The following CPAMD8 variants were observed in gnomAD, a reference collection of about 807,000 sequenced individuals.
CPAMD8 encodes C3 and PZP-like alpha-2-macroglobulin domain-containing protein 8.
Under a neutral mutation model 224.7 loss-of-function variants are expected in CPAMD8, and 146 were observed. The observed-to-expected ratio is 0.65, with a 90% CI of 0.57 to 0.75. The LOEUF (loss-of-function observed/expected upper bound fraction) is 0.75, where lower values mean the gene tolerates loss of function less well. Among genes scored for constraint, CPAMD8 ranks in the 30% least tolerant of loss-of-function variants. The probability of loss-of-function intolerance (pLI) is 0.00; values close to 1 mark genes in which losing one functional copy is unlikely to be tolerated. For missense variants in CPAMD8, 2,301 were observed against 2,537.5 expected, an observed-to-expected ratio of 0.91 and a Z score of 2.00; for synonymous variants, 966 against 1,044.6, an observed-to-expected ratio of 0.92 and a Z score of 1.45.
At chr19:16,915,885 TTTC>T (rs2052936464) in intron 27 of CPAMD8, among the ~76,000 whole-genome samples, 2 of 151,840 alleles carry the variant, frequency 1.3e-5, no homozygotes, top group African/African-American at 4.8e-5. Flanking sequence ...CTCTCTTTTC[TTTC>T]TTTTTCTTTC....
At chr19:16,904,115 A>T (rs2052372804) in intron 32 of CPAMD8, 111 bp downstream of exon 32, 1 of 1,228,252 alleles carries the variant, frequency 8.1e-7, no homozygotes, top group African/African-American at 1.5e-5. Flanking sequence ...TTGGGGCTCC[A>T]TAAGGTGAGA....
intron 13 of CPAMD8, 130 bp downstream of exon 13, chr19:16,989,513 C>T: frequency 8.6e-7 from 1 of 1,162,930 alleles, no homozygotes; most frequent in East Asian, 2.5e-5. Context: ...TCTCGAAATC[C>T]TAACCTCCAG....
intron 29 of CPAMD8, among the ~76,000 whole-genome samples, chr19:16,908,840 A>G (rs1382313285): frequency 6.6e-6 from 1 of 152,130 alleles, no homozygotes; most frequent in Non-Finnish European, 1.5e-5. Context: ...TCACAAGTCC[A>G]TTGCCTGGGG....
intron 36 of CPAMD8, among the ~76,000 whole-genome samples, chr19:16,900,068 T>C (rs928549780): frequency 2.0e-4 from 31 of 152,090 alleles, no homozygotes; most frequent in African/African-American, 7.0e-4. Flanking sequence ...CCTCCTTTGG[T>C]CCCTGAAACC....
chr19:16,925,840 G>A (rs1394328225), intron 25 of CPAMD8, among the ~76,000 whole-genome samples: 8 of 151,540 alleles, frequency 5.3e-5, no homozygotes, highest in South Asian at 2.1e-4. Context: ...TGCAACCTCC[G>A]CTTCCCAGGT....
chr19:17,006,055 C>T (rs1401414084), intron 7 of CPAMD8, among the ~76,000 whole-genome samples: 2 of 151,978 alleles, frequency 1.3e-5, no homozygotes, highest in African/African-American at 2.4e-5. Flanking sequence ...CCTTCACTCC[C>T]GGGTTCAAGA....
intron 19 of CPAMD8, among the ~76,000 whole-genome samples, chr19:16,953,175 G>T (rs1599772139): frequency 1.3e-5 from 2 of 152,186 alleles, no homozygotes; most frequent in South Asian, 4.1e-4. Flanking sequence ...GCAAAAGAAT[G>T]AATTTGGACC....
At chr19:16,981,009 T>G (rs1179008152) in intron 13 of CPAMD8, among the ~76,000 whole-genome samples, 1 of 139,210 alleles carries the variant, frequency 7.2e-6, no homozygotes, top group Non-Finnish European at 1.5e-5. Context: ...ATTTTTGTAT[T>G]TTTAGTAGAA....
intron 3 of CPAMD8, among the ~76,000 whole-genome samples, chr19:17,015,066 G>A (rs1278084277): frequency 6.6e-6 from 1 of 152,060 alleles, no homozygotes; most frequent in African/African-American, 2.4e-5. Flanking sequence ...ACATGGCGAA[G>A]CCCCGTCTCT....
At chr19:17,010,222 TC>T (rs1198410873) in intron 5 of CPAMD8, among the ~76,000 whole-genome samples, 2 of 150,904 alleles carry the variant, frequency 1.3e-5, no homozygotes, top group Non-Finnish European at 2.9e-5. Flanking sequence ...ATTTTCCTCC[TC>T]TTTTTTTTTT....
chr19:16,939,553 G>A (rs2053815875), intron 22 of CPAMD8, among the ~76,000 whole-genome samples: 1 of 152,108 alleles, frequency 6.6e-6, no homozygotes, highest in Non-Finnish European at 1.5e-5. Context: ...GCTCCAGGAT[G>A]CCCAGGTAGC....
In CPAMD8 at chr19:17,022,142, G is replaced by A. The variant is rs376924195; in HGVS notation, c.132C>T (p.Gly44=). 3.1e-5 allele frequency: 50 copies of A among 1,609,690 alleles called. No individual in the cohort carries two copies. In the Admixed American group the frequency reaches 4.2e-4, roughly 13 times the overall value. Residue 44 remains glycine, a synonymous_variant, in exon 2 of 42, where the codon GGC becomes GGT. Transcript: ENST00000443236. Reference sequence around the variant, plus strand: ...TGGTCACGCTGATGACTTCCTCCACGCCCGCGCGAAAAACAGAGGGAGCTG... The same window carrying A: ...TGGTCACGCTGATGACTTCCTCCACACCCGCGCGAAAAACAGAGGGAGCTG... ...LIAAPSVFRA[G]VEEVISVTIF...
At chr19:16,981,715 T>TTGCACATGTTCCACAGA (rs2055521956) in intron 13 of CPAMD8, among the ~76,000 whole-genome samples, 1 of 152,202 alleles carries the variant, frequency 6.6e-6, no homozygotes, top group Non-Finnish European at 1.5e-5. Context: ...TGTTCCATGT[T>TTGCACATGTTCCACAGA]TTGCAATCTG....
At chr19:16,990,640 A>G (rs1232402586) in intron 12 of CPAMD8, among the ~76,000 whole-genome samples, 1 of 151,960 alleles carries the variant, frequency 6.6e-6, no homozygotes, top group East Asian at 1.9e-4. Flanking sequence ...CAAGGTGGGC[A>G]GATCACGAGG....
At chr19:16,964,946 T>C (rs1221708044) in intron 18 of CPAMD8, among the ~76,000 whole-genome samples, 1 of 151,992 alleles carries the variant, frequency 6.6e-6, no homozygotes, top group Non-Finnish European at 1.5e-5. Context: ...AAAAACCACA[T>C]GATCATCTCA....
chr19:16,901,286 G>A lies in CPAMD8; in HGVS notation c.4697C>T (p.Ala1566Val), dbSNP rs764817625. The A allele has an allele frequency of 3.7e-6, 6 of 1,610,724 alleles. No homozygotes were observed. The East Asian group carries it at 1.1e-4, about 30-fold the overall frequency. ...CAGGACAGCCATATTGGAAGACCCT[G>A]CATGCAGCCACCTTCCAACAACAGG... ...MLEVCTRWLH[A>V]GSSNMAVLEV... Residue 1566 changes from alanine to valine, a missense_variant, in exon 36 of 42, where the codon GCA (alanine) becomes GTA (valine). Ala to Val is a moderately conservative substitution (Grantham distance 64). Transcript: ENST00000443236.
At chr19:16,996,453 C>T (rs2056125909) in intron 11 of CPAMD8, among the ~76,000 whole-genome samples, 1 of 152,170 alleles carries the variant, frequency 6.6e-6, no homozygotes, top group Non-Finnish European at 1.5e-5. Context: ...CATGGGTCTG[C>T]ACCTGTCAGT....
chr19:16,934,537 A>C (rs115774473), intron 23 of CPAMD8, among the ~76,000 whole-genome samples: 2,324 of 152,254 alleles, frequency 0.015, 39 homozygotes, highest in Middle Eastern at 0.037. Flanking sequence ...GCTGTCTTGA[A>C]ATGCTGTTCA....
chr19:16,906,415 C>T (rs368301627), intron 30 of CPAMD8, among the ~76,000 whole-genome samples: 62 of 124,150 alleles, frequency 5.0e-4, no homozygotes, highest in East Asian at 2.4e-3. Flanking sequence ...TCTTTCCTTC[C>T]TTCCTTCCTT....
Sources: allele counts gnomAD v4.1 joint callset (sites outside exome capture counted in the v4.1 genomes callset), GRCh38; gene constraint gnomAD v4.1.1; transcripts MANE v1.5; gene names NCBI Gene and HGNC (gene_info 2026-07-23, HGNC 2026-07-21).